The following CACNB2 variants were observed in gnomAD, a reference collection of about 807,000 sequenced individuals.
CACNB2 encodes the protein calcium voltage-gated channel auxiliary subunit beta 2.
In CACNB2, 42 loss-of-function variants were observed where a neutral mutation model predicts 73.3. That is an observed-to-expected ratio of 0.57 (90% confidence interval 0.45 to 0.74). The LOEUF is 0.74. Among genes scored for constraint, CACNB2 ranks in the 30% least tolerant of loss-of-function variants. CACNB2 has a pLI of 0.00. For synonymous variants in CACNB2, 348 were observed against 310.3 expected (o/e 1.12, Z -1.28); for missense variants, 940 against 853.0 (o/e 1.10, Z -1.27).
intron 3 of CACNB2, among the ~76,000 whole-genome samples, chr10:18,447,020 G>A (rs966583337): frequency 5.9e-5 from 9 of 151,536 alleles, no homozygotes; most frequent in Middle Eastern, 3.4e-3. Flanking sequence ...TGATTATGCC[G>A]TTGTACTCCA....
At chr10:18,340,926 C>A in intron 2 of CACNB2, 1 of 1,614,126 alleles carries the variant, frequency 6.2e-7, no homozygotes, top group South Asian at 1.1e-5. Context: ...ATTGGTCTAG[C>A]ATGCTTGACA....
chr10:18,178,598 C>A (rs1230005836), intron 2 of CACNB2, among the ~76,000 whole-genome samples: 3 of 152,084 alleles, frequency 2.0e-5, no homozygotes. Context: ...GGAGAAGGTT[C>A]TTTTCCCTAT....
intron 2 of CACNB2, among the ~76,000 whole-genome samples, chr10:18,375,703 A>T (rs1044777312): frequency 6.6e-6 from 1 of 152,208 alleles, no homozygotes; most frequent in African/African-American, 2.4e-5. Context: ...TTATTCATAC[A>T]TCTGAAGCCC....
chr10:18,270,041 T>C (rs1199128571), intron 2 of CACNB2, among the ~76,000 whole-genome samples: 1 of 152,176 alleles, frequency 6.6e-6, no homozygotes, highest in Non-Finnish European at 1.5e-5. Flanking sequence ...TGCTGTAAAG[T>C]AGTACTCAAG....
At chr10:18,141,707 T>C (rs1442232817) in intron 1 of CACNB2, among the ~76,000 whole-genome samples, 1 of 152,160 alleles carries the variant, frequency 6.6e-6, no homozygotes, top group African/African-American at 2.4e-5. Flanking sequence ...AGGTACAGTT[T>C]GGGTTACAGA....
intron 3 of CACNB2, among the ~76,000 whole-genome samples, chr10:18,443,562 G>T (rs1460051349): frequency 6.6e-6 from 1 of 152,078 alleles, no homozygotes; most frequent in Non-Finnish European, 1.5e-5. Flanking sequence ...GTAACTAATA[G>T]GCATTAAGTA....
chr10:18,387,151 T>TC (rs1934004538), intron 2 of CACNB2, among the ~76,000 whole-genome samples: 1 of 152,148 alleles, frequency 6.6e-6, no homozygotes. Context: ...CTCCACCCCT[T>TC]CCCATTGGTC....
intron 2 of CACNB2, among the ~76,000 whole-genome samples, chr10:18,202,776 G>A (rs564292789): frequency 3.0e-4 from 45 of 152,322 alleles, no homozygotes; most frequent in Middle Eastern, 3.4e-3. Flanking sequence ...CATCTGGAAT[G>A]TAGTAACGTC....
chr10:18,476,443 G>T (rs71497249), intron 3 of CACNB2, among the ~76,000 whole-genome samples: 2 of 152,036 alleles, frequency 1.3e-5, no homozygotes, highest in East Asian at 3.9e-4. Flanking sequence ...AATTTTGTGG[G>T]GTTTACGTAC....
At chr10:18,352,448 C>A (rs2041748301) in intron 2 of CACNB2, among the ~76,000 whole-genome samples, 1 of 152,116 alleles carries the variant, frequency 6.6e-6, no homozygotes, top group South Asian at 2.1e-4. Flanking sequence ...AAATAGGGAA[C>A]AGTAGGGTTG....
chr10:18,249,846 C>A (rs544587203), intron 2 of CACNB2, among the ~76,000 whole-genome samples: 99 of 152,310 alleles, frequency 6.5e-4, no homozygotes, highest in African/African-American at 2.3e-3. Flanking sequence ...CGATGTCCTA[C>A]AGACGTCTCA....
intron 2 of CACNB2, chr10:18,261,050 A>C: frequency 5.7e-5 from 71 of 1,247,308 alleles, no homozygotes; most frequent in Middle Eastern, 3.4e-4. Flanking sequence ...TACGCCCCCC[A>C]CCCCCAAAAA....
chr10:18,299,541 TC>T lies in CACNB2; in HGVS notation c.214-102382del, dbSNP rs2039422583. ...GCCTGGGCAACATGGTGAAACCCCA[TC>T]TCCACAAAAAATACAAAAATTAGCC... is the stretch of plus-strand genomic sequence containing the variant. On this transcript the variant is annotated intron_variant, in intron 2 of 13. Coordinates refer to ENST00000324631, the MANE Select transcript of CACNB2 (RefSeq NM_201596.3). Among the ~76,000 whole-genome samples, 4 of 152,084 alleles carry T rather than the reference TC, an allele frequency of 2.6e-5. No individual in the cohort carries two copies. The South Asian group carries it at 6.2e-4, about 24-fold the overall frequency.
chr10:18,200,422 G>T (rs1332168426), intron 2 of CACNB2, among the ~76,000 whole-genome samples: 1 of 151,854 alleles, frequency 6.6e-6, no homozygotes, highest in Non-Finnish European at 1.5e-5. Flanking sequence ...TTGGAATATG[G>T]CTCCTTTCCA....
chr10:18,340,726 A>G (rs2041197565), intron 2 of CACNB2: 3 of 1,457,950 alleles, frequency 2.1e-6, no homozygotes, highest in Admixed American at 2.6e-5. Flanking sequence ...TGGTTCTGGA[A>G]CAGAGAGCTG....
chr10:18,204,057 A>G (rs1400526251), intron 2 of CACNB2, among the ~76,000 whole-genome samples: 8 of 152,226 alleles, frequency 5.3e-5, no homozygotes, highest in Admixed American at 5.2e-4. Flanking sequence ...TTATCCTTAT[A>G]GGAGAAAAAA....
chr10:18,307,982 A>AGTTTTTTTTTTTTTTTTT (rs1564423318), intron 2 of CACNB2, among the ~76,000 whole-genome samples: 1 of 52,670 alleles, frequency 1.9e-5, no homozygotes, highest in Non-Finnish European at 4.1e-5. Context: ...ATATATGCCA[A>AGTTTTTTTTTTTTTTTTT]CTTTTTTTTT....
At position 18,388,918 on chromosome 10, in the gene CACNB2, T is replaced by C. The variant is rs189976568; in HGVS notation, c.214-13006T>C. On this transcript the variant is annotated intron_variant, in intron 2 of 13. Coordinates refer to ENST00000324631, the MANE Select transcript of CACNB2 (RefSeq NM_201596.3). ...CAGGAGACCTGGTCCTTGCCTCCCT[T>C]CCCCATATGCAAACAACTACGAAGG... Among the ~76,000 whole-genome samples, 13 of 152,268 alleles carry C rather than the reference T, an allele frequency of 8.5e-5. No individual in the cohort carries two copies. In the East Asian group the frequency reaches 2.5e-3, roughly 29 times the overall value.
intron 2 of CACNB2, among the ~76,000 whole-genome samples, chr10:18,387,419 C>T (rs915220554): frequency 6.6e-6 from 1 of 152,116 alleles, no homozygotes; most frequent in Non-Finnish European, 1.5e-5. Flanking sequence ...TTCTTCTTCC[C>T]TCATGTCCAC....
Sources: gnomAD v4.1 joint callset for allele counts (sites outside exome capture counted in the v4.1 genomes callset) on GRCh38, gnomAD v4.1.1 for gene constraint, MANE v1.5 for transcripts, NCBI Gene and HGNC (gene_info 2026-07-23, HGNC 2026-07-21) for gene names.